Variants in LAMA3 observed in about 807,000 individuals in gnomAD.
The protein encoded by LAMA3 is laminin subunit alpha 3.
A neutral mutation model predicts 402.0 loss-of-function variants in LAMA3; 281 were observed. The observed-to-expected ratio is 0.70, with a 90% confidence interval of 0.63 to 0.77. The LOEUF is 0.77. Among genes scored for constraint, LAMA3 ranks in the 30% least tolerant of loss-of-function variants. LAMA3 has a pLI of 0.00. For missense variants in LAMA3, 3,840 were observed against 4,215.5 expected, an observed-to-expected ratio of 0.91 and a Z score of 2.47; for synonymous variants, 1,431 against 1,558.4, an observed-to-expected ratio of 0.92 and a Z score of 1.93.
In LAMA3 at chr18:23,899,335, C is replaced by A. The variant is rs367849978; in HGVS notation, c.5884C>A (p.Pro1962Thr). The A allele has an allele frequency of 1.9e-6, 3 of 1,613,862 alleles. No individual in the cohort carries two copies. Among genetic ancestry groups the A allele is most frequent in the Non-Finnish European group, 2.5e-6 (3 of 1,179,980 alleles). Residue 1962 changes from proline to threonine, a missense_variant, in exon 47 of 75, where the codon CCT (proline) becomes ACT (threonine). Pro to Thr is a conservative substitution (Grantham distance 38). This residue lies in a region of LAMA3 where 891 missense variants were observed against 857.5 expected (regional missense o/e 1.04). Transcript: ENST00000313654. ...SGTDGEGNNV[P>T]SGDFSREWAE... ...GACAGATGGAGAGGGAAACAACGTG[C>A]CTTCAGGTGACTTTTCCAGAGAGTG...
chr18:23,835,667 T>A (rs975703828), intron 24 of LAMA3, among the ~76,000 whole-genome samples: 22 of 152,210 alleles, frequency 1.4e-4, no homozygotes, highest in African/African-American at 5.1e-4. Context: ...TTCCTCTTTC[T>A]CTTCCTTGCC....
chr18:23,856,201 A>T (rs1048637557), intron 32 of LAMA3, among the ~76,000 whole-genome samples: 2 of 152,232 alleles, frequency 1.3e-5, no homozygotes, highest in African/African-American at 4.8e-5. Flanking sequence ...GTTCTTAATC[A>T]CATACAAAAT....
chr18:23,757,960 A>G (rs766562675), intron 6 of LAMA3, among the ~76,000 whole-genome samples: 2 of 152,242 alleles, frequency 1.3e-5, no homozygotes, highest in African/African-American at 2.4e-5. Flanking sequence ...ACAGGTTGAG[A>G]GTAAGAAACT....
At position 23,890,029 on chromosome 18, in the gene LAMA3, C is replaced by T. The variant is rs958631; in HGVS notation, c.5322C>T (p.Phe1774=). ...TGTGTAGGTGTGCACCGGGATATTTCGGGAATCCCCAGAAATTCGGAGGTA... is the reference window on the plus strand; with the variant it reads ...TGTGTAGGTGTGCACCGGGATATTTTGGGAATCCCCAGAAATTCGGAGGTA... ...TQCERCAPGY[F]GNPQKFGGSC... Residue 1774 remains phenylalanine (F), a synonymous_variant, in exon 42 of 75, where the codon TTC becomes TTT. Coordinates refer to ENST00000313654, the MANE Select transcript of LAMA3 (RefSeq NM_198129.4). 0.037 allele frequency: 59,496 copies of T among 1,613,238 alleles called. 3,839 individuals carry two copies. Among genetic ancestry groups the T allele is most frequent in the Admixed American group, 0.24 (14,277 of 60,000 alleles).
chr18:23,753,004 C>G (rs1416885727), intron 5 of LAMA3, among the ~76,000 whole-genome samples: 1 of 152,256 alleles, frequency 6.6e-6, no homozygotes. Flanking sequence ...GCAGAGGGAG[C>G]TGGCAGGAGG....
chr18:23,807,675 G>C (rs2062989474), intron 12 of LAMA3, among the ~76,000 whole-genome samples: 1 of 152,082 alleles, frequency 6.6e-6, no homozygotes, highest in South Asian at 2.1e-4. Flanking sequence ...TTCCTTGGTG[G>C]ACATCTGTCT....
intron 47 of LAMA3, 76 bp from the exon 48 acceptor site, chr18:23,901,051 C>A: frequency 7.7e-7 from 1 of 1,303,088 alleles, no homozygotes; most frequent in Non-Finnish European, 1.1e-6. Flanking sequence ...AAACTCGATT[C>A]TCCCTTTGTA....
intron 32 of LAMA3, among the ~76,000 whole-genome samples, chr18:23,851,753 C>A (rs1224940148): frequency 6.6e-6 from 1 of 152,198 alleles, no homozygotes; most frequent in Non-Finnish European, 1.5e-5. Context: ...ACCTTTATTG[C>A]AAATCGACTC....
intron 62 of LAMA3, among the ~76,000 whole-genome samples, chr18:23,925,454 A>G (rs574011822): frequency 3.0e-4 from 46 of 152,342 alleles, no homozygotes; most frequent in African/African-American, 1.0e-3. Context: ...CATTGTTTAC[A>G]GAGTGTGATT....
chr18:23,898,587 T>TATGTAACC (rs1326376211), intron 44 of LAMA3, 151 bp from the exon 45 acceptor site: 1 of 662,142 alleles, frequency 1.5e-6, no homozygotes. Context: ...ATAGATTCCT[T>TATGTAACC]ATGTAACCTA....
intron 32 of LAMA3, among the ~76,000 whole-genome samples, chr18:23,854,552 A>G (rs1396578689): frequency 1.3e-5 from 2 of 151,706 alleles, no homozygotes; most frequent in African/African-American, 2.4e-5. Context: ...GAGGCAGGAG[A>G]ATGGCGTGAA....
chr18:23,832,684 T>A (rs149561121), intron 23 of LAMA3, among the ~76,000 whole-genome samples: 2,335 of 152,242 alleles, frequency 0.015, 34 homozygotes, highest in Non-Finnish European at 0.019. Context: ...CCATTATAGG[T>A]TGTAGGGAAA....
intron 72 of LAMA3, 44 bp from the exon 73 acceptor site, chr18:23,951,640 A>G (rs371668497): frequency 9.2e-6 from 14 of 1,518,806 alleles, no homozygotes; most frequent in Non-Finnish European, 1.2e-5. Context: ...GGTCGGCTCC[A>G]CCTGCCTTCC....
chr18:23,758,429 G>C lies in LAMA3; in HGVS notation c.981G>C (p.Gly327=), dbSNP rs529195575. Residue 327 remains glycine (G), a synonymous_variant, in exon 7 of 75, where the codon GGG becomes GGC. Transcript: ENST00000313654. ...GTGAATGCCAGCACCACACCTGTGG[G>C]GAGACGTGTGATCGCTGCTGCACAG... ...FRCECQHHTC[G]ETCDRCCTGY... 7 of 1,614,146 alleles carry C rather than the reference G, an allele frequency of 4.3e-6. No homozygotes were observed. The highest frequency in any genetic ancestry group is 1.7e-4 in the Middle Eastern group (1 of 6,060).
chr18:23,773,807 A>C (rs2062255274), intron 9 of LAMA3, among the ~76,000 whole-genome samples: 1 of 152,262 alleles, frequency 6.6e-6, no homozygotes, highest in Non-Finnish European at 1.5e-5. Context: ...GATTAAATAA[A>C]ATGCAATCAA....
intron 2 of LAMA3, among the ~76,000 whole-genome samples, chr18:23,746,252 G>A (rs1442857261): frequency 6.6e-6 from 1 of 152,194 alleles, no homozygotes; most frequent in African/African-American, 2.4e-5. Context: ...AGGGTTTCCA[G>A]TAATCAGTGT....
intron 39 of LAMA3, among the ~76,000 whole-genome samples, chr18:23,881,497 A>C (rs540877099): frequency 6.6e-6 from 1 of 152,364 alleles, no homozygotes; most frequent in South Asian, 2.1e-4. Context: ...CCAAGAGCTT[A>C]GTACACTTGC....
chr18:23,769,678 C>A (rs190307671), intron 8 of LAMA3, among the ~76,000 whole-genome samples: 4 of 152,254 alleles, frequency 2.6e-5, no homozygotes, highest in Non-Finnish European at 4.4e-5. Flanking sequence ...CACACACACA[C>A]ACAAAACCAC....
At chr18:23,773,688 C>G in intron 9 of LAMA3, 101 bp downstream of exon 9, 4 of 756,280 alleles carry the variant, frequency 5.3e-6, no homozygotes, top group South Asian at 1.5e-5. Context: ...TTCATGCCCT[C>G]TCTCTTCAGA....
Sources: allele counts gnomAD v4.1 joint callset (sites outside exome capture counted in the v4.1 genomes callset), GRCh38; gene constraint gnomAD v4.1.1; regional missense constraint gnomAD v4.1.1; transcripts MANE v1.5; gene names NCBI Gene and HGNC (gene_info 2026-07-23, HGNC 2026-07-21).